TBX22: variants seen among roughly 807,000 people sequenced by gnomAD.
TBX22 encodes the protein T-box transcription factor TBX22.
In TBX22, 8 loss-of-function variants were observed where a neutral mutation model predicts 30.1. The ratio of observed to expected loss-of-function variants is 0.27; its 90% CI spans 0.16 to 0.48. TBX22 has a LOEUF of 0.48. Ranked by LOEUF, TBX22 falls within the 20% of genes least tolerant of loss-of-function variation. The pLI is 0.99. For synonymous variants in TBX22, 173 were observed against 149.1 expected, an observed-to-expected ratio of 1.16 and a Z score of -1.17; for missense variants, 463 against 400.5, an observed-to-expected ratio of 1.16 and a Z score of -1.33.
At chrX:80,022,817 T>TAAAAAAA (rs1204799825) in intron 2 of TBX22, among the ~76,000 whole-genome samples, 1 of 64,128 alleles carries the variant, frequency 1.6e-5, no homozygotes, top group Non-Finnish European at 3.0e-5. Flanking sequence ...TTGGCAAATC[T>TAAAAAAA]AAAAAAAAAA....
intron 5 of TBX22, 95 bp from the exon 6 acceptor site, chrX:80,026,608 CT>C: frequency 1.1e-6 from 1 of 942,539 alleles, no homozygotes; most frequent in South Asian, 2.0e-5. Flanking sequence ...TCATCATTGC[CT>C]TTTTGTGTGC....
At position 80,020,414 on chromosome X, in the gene TBX22, A is replaced by G. The variant is rs143901351; in HGVS notation, c.-2-1854A>G. ...CCCCCACTTTAATGGGTGCGAAAAGAAACGAATGCTCAGATCACATGCAGA... is the reference window on the plus strand; with the variant it reads ...CCCCCACTTTAATGGGTGCGAAAAGGAACGAATGCTCAGATCACATGCAGA... On this transcript the variant is annotated intron_variant, in intron 1 of 8. Coordinates refer to ENST00000373296, the MANE Select transcript of TBX22 (RefSeq NM_001109878.2). Among the ~76,000 whole-genome samples the G allele has an allele frequency of 5.6e-4, 63 of 111,814 alleles. 1 individual carries two copies. In the East Asian group the frequency reaches 0.017, roughly 30 times the overall value.
rs745907002 is a variant in TBX22 at position 80,030,073 on chromosome X, C to T, written c.950-425C>T. 7.3e-4 allele frequency among the ~76,000 whole-genome samples: 82 copies of T among 111,597 alleles called. No individual in the cohort carries two copies. The Admixed American group carries it at 7.6e-3, about 10-fold the overall frequency. On this transcript the variant is annotated intron_variant, in intron 8 of 8. Coordinates refer to ENST00000373296, the MANE Select transcript of TBX22 (RefSeq NM_001109878.2). ...GGGATGAAACTGTTCCACCTCAGAT[C>T]ATCAGGCATTAGATTATCATTAAAG...
At chrX:80,020,788 G>A (rs1360226442) in intron 1 of TBX22, among the ~76,000 whole-genome samples, 1 of 111,874 alleles carries the variant, frequency 8.9e-6, no homozygotes, top group Non-Finnish European at 1.9e-5. Flanking sequence ...TCAGATTCCA[G>A]TATTGGCATA....
intron 8 of TBX22, among the ~76,000 whole-genome samples, chrX:80,029,638 G>T (rs963952528): frequency 8.9e-6 from 1 of 111,779 alleles, no homozygotes; most frequent in East Asian, 2.8e-4. Context: ...TTTTAAATCA[G>T]TGTACCTTTG....
chrX:80,027,209 T>G, intron 6 of TBX22, 47 bp from the exon 7 acceptor site: 1 of 724,112 alleles, frequency 1.4e-6, no homozygotes, highest in Non-Finnish European at 2.2e-6. Context: ...AACAGTGTTC[T>G]TACTGAAAGC....
In TBX22 at chrX:80,025,724, A is replaced by G; in HGVS notation, c.580A>G (p.Ile194Val). The G allele has an allele frequency of 1.7e-6, 2 of 1,210,977 alleles. No homozygotes were observed. The highest frequency in any genetic ancestry group is 2.2e-6 in the Non-Finnish European group (2 of 895,082). ...GGGAGAGACCTGGATGCGGCAGATC[A>G]TCAGCTTTGATCGCATGAAACTCAC... ...CSGETWMRQIISFDRMKLTNN... is the reference protein window; with the variant it reads ...CSGETWMRQIVSFDRMKLTNN... Residue 194 changes from isoleucine to valine, a missense_variant, in exon 5 of 9, where the codon ATC (isoleucine) becomes GTC (valine). By Grantham distance (29) the Ile-to-Val change is conservative. Transcript: ENST00000373296.
intron 4 of TBX22, among the ~76,000 whole-genome samples, chrX:80,024,679 T>A (rs754260483): frequency 6.3e-4 from 71 of 112,177 alleles, no homozygotes; most frequent in African/African-American, 2.2e-3. Flanking sequence ...TGTCTTTTCG[T>A]CCATCTTTAA....
chrX:80,024,710 C>G (rs1055544258), intron 4 of TBX22, among the ~76,000 whole-genome samples: 2 of 111,993 alleles, frequency 1.8e-5, no homozygotes, highest in Non-Finnish European at 3.8e-5. Context: ...GAAGTAATGT[C>G]TGGGTCTTAG....
chrX:80,027,222 T>C, intron 6 of TBX22, 34 bp from the exon 7 acceptor site: 1 of 801,901 alleles, frequency 1.2e-6, no homozygotes, highest in Non-Finnish European at 1.9e-6. Context: ...CTGAAAGCAA[T>C]GACTTTATCT....
At chrX:80,024,265 T>G (rs1923864622) in intron 4 of TBX22, 101 bp downstream of exon 4, 368 of 561,408 alleles carry the variant, frequency 6.6e-4, no homozygotes, top group East Asian at 1.8e-3. Context: ...AACTCTAGCA[T>G]GGGGGGTGGG....
chrX:80,022,684 A>G (rs1923772637), intron 2 of TBX22: 2 of 434,717 alleles, frequency 4.6e-6, no homozygotes, highest in Non-Finnish European at 8.0e-6. Context: ...TCCTCCTCCT[A>G]CCTTCGCGGA....
intron 1 of TBX22, among the ~76,000 whole-genome samples, chrX:80,018,863 G>T (rs753264656): frequency 1.2e-4 from 13 of 112,157 alleles, no homozygotes; most frequent in Admixed American, 3.8e-4. Context: ...GTCAGAATTT[G>T]AATCAGGTCA....
chrX:80,024,251 T>G, intron 4 of TBX22, 87 bp downstream of exon 4: 2 of 844,412 alleles, frequency 2.4e-6, no homozygotes, highest in East Asian at 3.3e-5. Flanking sequence ...AGCATGACTT[T>G]GAAAACTCTA....
chrX:80,016,845 A>G (rs1341667404), intron 1 of TBX22, among the ~76,000 whole-genome samples: 1 of 110,049 alleles, frequency 9.1e-6, no homozygotes, highest in African/African-American at 3.3e-5. Context: ...GTCTCTACTA[A>G]AAATACAAAA....
chrX:80,026,782 A>G lies in TBX22; in HGVS notation c.712A>G (p.Ile238Val). 1 of 1,211,009 alleles carries G rather than the reference A, an allele frequency of 8.3e-7. No homozygotes were observed. Among genetic ancestry groups the G allele is most frequent in the Non-Finnish European group, 1.1e-6 (1 of 894,736 alleles). ...EQGSSVDLSQIQSLPTEGVKT... is the reference protein window; with the variant it reads ...EQGSSVDLSQVQSLPTEGVKT... ...AGGCAGCAGTGTTGACCTGTCCCAG[A>G]TTCAGTCCTTGCCCACTGAAGGTGT... The change falls in exon 6 of 9, where the codon ATT (isoleucine) becomes GTT (valine). Residue 238 changes from isoleucine to valine, a missense_variant. Ile to Val is a conservative substitution (Grantham distance 29). Transcript: ENST00000373296.
rs1246490368 is a variant in TBX22 at position 80,023,776 on chromosome X, C to CAAAAA, written c.357-287_357-286insAAAAA. Among the ~76,000 whole-genome samples, 595 of 111,578 alleles carry CAAAAA rather than the reference C, an allele frequency of 5.3e-3. 4 individuals carry two copies. Among genetic ancestry groups the CAAAAA allele is most frequent in the East Asian group, 0.015 (54 of 3,503 alleles). ...AAAGGAGGTTGGGACACAGCTTTTTCTCTCATACTTTCTCTTCTATAGCTT... is the reference window on the plus strand; with the variant it reads ...AAAGGAGGTTGGGACACAGCTTTTTCAAAAATCTCATACTTTCTCTTCTATAGCTT... On this transcript the variant is annotated intron_variant, in intron 3 of 8. Transcript: ENST00000373296.
chrX:80,030,388 A>C, intron 8 of TBX22, 110 bp from the exon 9 acceptor site: 1 of 1,017,890 alleles, frequency 9.8e-7, no homozygotes, highest in Non-Finnish European at 1.4e-6. Flanking sequence ...TGAACTCACA[A>C]GGAAAATTAA....
At chrX:80,029,909 A>T (rs195291) in intron 8 of TBX22, among the ~76,000 whole-genome samples, 52,726 of 110,987 alleles carry the variant, frequency 0.48, 10,113 homozygotes, top group East Asian at 0.9. Flanking sequence ...AATGCTTAAT[A>T]CATGATACAT....
Sources: gnomAD v4.1 joint callset for allele counts (sites outside exome capture counted in the v4.1 genomes callset) on GRCh38, gnomAD v4.1.1 for gene constraint, MANE v1.5 for transcripts, NCBI Gene and HGNC (gene_info 2026-07-23, HGNC 2026-07-21) for gene names.